CALN1: variants seen among roughly 807,000 people sequenced by gnomAD.
CALN1 encodes the protein calneuron 1, also known as calcium-binding protein 8.
A neutral mutation model predicts 30.6 loss-of-function variants in CALN1; 17 were observed. The observed-to-expected ratio is 0.56, with a 90% CI of 0.38 to 0.83. The LOEUF (loss-of-function observed/expected upper bound fraction) is 0.83, where lower values mean the gene tolerates loss of function less well. Among genes scored for constraint, CALN1 ranks in the 40% least tolerant of loss-of-function variants. CALN1 has a pLI of 0.00. For missense variants in CALN1, 291 were observed against 354.9 expected, an observed-to-expected ratio of 0.82 and a Z score of 1.45; for synonymous variants, 156 against 131.4, an observed-to-expected ratio of 1.19 and a Z score of -1.28.
intron 2 of CALN1, among the ~76,000 whole-genome samples, chr7:72,366,528 T>G (rs772473584): frequency 2.1e-4 from 22 of 102,918 alleles, no homozygotes; most frequent in Non-Finnish European, 1.1e-4. Context: ...AAGTAGTTTT[T>G]GGGTGCATGG....
chr7:72,349,661 G>A (rs1336360008), intron 2 of CALN1, among the ~76,000 whole-genome samples: 3 of 152,098 alleles, frequency 2.0e-5, no homozygotes, highest in South Asian at 2.1e-4. Context: ...TTGTCATGAC[G>A]GTTTTGACTT....
intron 1 of CALN1, among the ~76,000 whole-genome samples, chr7:72,405,216 G>A (rs755933244): frequency 2.6e-5 from 4 of 152,192 alleles, no homozygotes; most frequent in Non-Finnish European, 4.4e-5. Flanking sequence ...CTCAAAGCAA[G>A]AAGTCACATC....
chr7:72,452,454 T>C, the CALN1 span, among the ~76,000 whole-genome samples: 1 of 152,174 alleles, frequency 6.6e-6, no homozygotes, highest in Admixed American at 6.5e-5. Flanking sequence ...AGAGATTTGA[T>C]TGTTAAAAAA....
chr7:72,152,763 C>A (rs1250838986), intron 3 of CALN1, among the ~76,000 whole-genome samples: 2 of 152,104 alleles, frequency 1.3e-5, no homozygotes, highest in Non-Finnish European at 2.9e-5. Context: ...AGGTTCTAAA[C>A]GTGACAGGAA....
chr7:72,482,471 T>C, the CALN1 span, among the ~76,000 whole-genome samples: 4 of 152,164 alleles, frequency 2.6e-5, no homozygotes, highest in African/African-American at 4.8e-5. Flanking sequence ...TTTGAATGAA[T>C]TGAATTTTTT....
intron 5 of CALN1, among the ~76,000 whole-genome samples, chr7:71,849,582 C>G (rs142618330): frequency 1.6e-3 from 249 of 152,162 alleles, no homozygotes; most frequent in African/African-American, 5.8e-3. Context: ...GCAAAATATT[C>G]ACATTTGATG....
intron 3 of CALN1, among the ~76,000 whole-genome samples, chr7:72,140,330 A>AGAAGGAAG (rs879296354): frequency 1.0e-5 from 1 of 96,844 alleles, no homozygotes; most frequent in Non-Finnish European, 2.0e-5. Flanking sequence ...AGAGAAAGGG[A>AGAAGGAAG]GAAGGAAGGA....
chr7:71,833,841 A>G (rs1158763947), intron 5 of CALN1, among the ~76,000 whole-genome samples: 1 of 152,104 alleles, frequency 6.6e-6, no homozygotes, highest in East Asian at 1.9e-4. Context: ...TGAGCCCAGG[A>G]GTTCAAGGCT....
intron 5 of CALN1, among the ~76,000 whole-genome samples, chr7:71,987,194 T>C (rs1468392877): frequency 5.3e-5 from 8 of 151,684 alleles, no homozygotes; most frequent in East Asian, 1.9e-4. Context: ...AGGGACAAAG[T>C]GACATTTCTC....
intron 5 of CALN1, among the ~76,000 whole-genome samples, chr7:71,848,258 A>C (rs548656825): frequency 1.7e-4 from 26 of 152,302 alleles, no homozygotes; most frequent in Non-Finnish European, 3.1e-4. Flanking sequence ...TGGGATGATA[A>C]AGTATCCCCC....
chr7:72,151,902 A>AT (rs1787279789), intron 3 of CALN1, among the ~76,000 whole-genome samples: 1 of 133,030 alleles, frequency 7.5e-6, no homozygotes. Context: ...TTTTATTTTT[A>AT]TTCTTTTCTT....
intron 5 of CALN1, among the ~76,000 whole-genome samples, chr7:71,994,861 T>G (rs2129528134): frequency 6.6e-6 from 1 of 151,186 alleles, no homozygotes; most frequent in South Asian, 2.1e-4. Context: ...ATTTTTTTTT[T>G]TTTTTTTTCG....
At chr7:72,391,392 T>C (rs1805567727) in intron 2 of CALN1, among the ~76,000 whole-genome samples, 1 of 152,192 alleles carries the variant, frequency 6.6e-6, no homozygotes, top group Non-Finnish European at 1.5e-5. Flanking sequence ...CCTAGAATCC[T>C]ACTTTTCCAT....
chr7:72,214,145 C>T (rs916607416), intron 3 of CALN1, among the ~76,000 whole-genome samples: 1 of 152,210 alleles, frequency 6.6e-6, no homozygotes, highest in East Asian at 1.9e-4. Context: ...TGTTTACCAC[C>T]ATAACTATTG....
the CALN1 span, among the ~76,000 whole-genome samples, chr7:72,455,267 G>A: frequency 7.3e-3 from 1,108 of 151,616 alleles, 7 homozygotes; most frequent in African/African-American, 0.014. Context: ...ACACCACTGT[G>A]CTCCAGCCTG....
intron 4 of CALN1, among the ~76,000 whole-genome samples, chr7:72,038,201 G>A (rs745795442): frequency 6.6e-6 from 1 of 151,956 alleles, no homozygotes; most frequent in Non-Finnish European, 1.5e-5. Context: ...CTCCTGGAAT[G>A]CATACACAGC....
chr7:72,086,601 A>G (rs1161463170), intron 4 of CALN1, among the ~76,000 whole-genome samples: 2 of 151,884 alleles, frequency 1.3e-5, no homozygotes, highest in East Asian at 1.9e-4. Context: ...GCCTGGCTAC[A>G]TTGTATTTTT....
At chr7:72,323,865 G>A (rs1047075167) in intron 2 of CALN1, among the ~76,000 whole-genome samples, 8 of 151,794 alleles carry the variant, frequency 5.3e-5, no homozygotes, top group African/African-American at 4.8e-5. Context: ...GAAACATAGC[G>A]AAACCCCATC....
At position 71,868,371 on chromosome 7, in the gene CALN1, T is replaced by A. The variant is rs66620792; in HGVS notation, c.502-57879A>T. ...CGAGAGGGGAGGAAGTGCTACACAC[T>A]TTTTTTTTTTTTTTTTTTGAGACGG... On this transcript the variant is annotated intron_variant, in intron 5 of 6. Transcript: ENST00000395275. Among the ~76,000 whole-genome samples the A allele has an allele frequency of 1.7e-3, 163 of 98,006 alleles. 4 individuals are homozygous for A. The highest frequency in any genetic ancestry group is 0.014 in the East Asian group (21 of 1,530). 64.3% of individuals were successfully genotyped at this position (98,006 alleles called of 152,430 possible).
Sources: allele counts gnomAD v4.1 joint callset (sites outside exome capture counted in the v4.1 genomes callset), GRCh38; gene constraint gnomAD v4.1.1; transcripts MANE v1.5; gene names NCBI Gene and HGNC (gene_info 2026-07-23, HGNC 2026-07-21).